The following ARHGEF7 variants were observed in gnomAD, a reference collection of about 807,000 sequenced individuals.
ARHGEF7 encodes the protein PAK-interacting exchange factor beta.
In ARHGEF7, 33 loss-of-function variants were observed where a neutral mutation model predicts 109.8. The ratio of observed to expected loss-of-function variants is 0.30; its 90% confidence interval spans 0.23 to 0.40. The LOEUF is 0.40. ARHGEF7 is among the 10% of genes least tolerant of loss of function. The pLI, the probability that ARHGEF7 is intolerant of heterozygous loss-of-function variation, is 1.00. For synonymous variants in ARHGEF7, 458 were observed against 424.6 expected (o/e 1.08, Z -0.97); for missense variants, 938 against 1,098.5 (o/e 0.85, Z 2.07).
rs566369717 is a variant in ARHGEF7, at chr13:111,121,468, G to A, written c.165+5777G>A. ...CATCTCTCTCCCTTTAGAGGCCACT[G>A]ATCACTCTAAAATGTAAAGAGTGGA... On this transcript the variant is annotated intron_variant, in intron 1 of 21. Transcript: ENST00000646102. Among the ~76,000 whole-genome samples the A allele has an allele frequency of 2.0e-5, 3 of 152,340 alleles. No individual in the cohort carries two copies. The East Asian group carries it at 5.8e-4, about 29-fold the overall frequency.
intron 1 of ARHGEF7, among the ~76,000 whole-genome samples, chr13:111,121,285 C>T (rs1410848007): frequency 1.3e-5 from 2 of 152,228 alleles, no homozygotes; most frequent in African/African-American, 2.4e-5. Context: ...GGCCGCAGAA[C>T]GTGTGTTCCG....
At chr13:111,158,479 G>A (rs145730895) in intron 2 of ARHGEF7, among the ~76,000 whole-genome samples, 3 of 152,286 alleles carry the variant, frequency 2.0e-5, no homozygotes, top group East Asian at 3.9e-4. Flanking sequence ...CAGCTCCTTG[G>A]CACTGCAACT....
rs192320356 is a variant in ARHGEF7, at chr13:111,217,577, T to C, written c.469-102T>C. 2,347 of 1,113,270 alleles carry C rather than the reference T, an allele frequency of 2.1e-3. 5 individuals are homozygous for C. The highest frequency in any genetic ancestry group is 2.5e-3 in the Non-Finnish European group (1,910 of 754,516). The allele number at this position is 1,113,270 out of a possible 1,614,324, so 69.0% of individuals were successfully genotyped here. On this transcript the variant is annotated intron_variant, in intron 4 of 21. Transcript: ENST00000646102. ...ATTTCTCTAAATGTATTTCTACTGT[T>C]GGGCAATTATGCTACCTTTGTACTA... is the stretch of plus-strand genomic sequence containing the variant.
At chr13:111,299,032 G>A (rs915417328) in intron 19 of ARHGEF7, among the ~76,000 whole-genome samples, 1 of 152,210 alleles carries the variant, frequency 6.6e-6, no homozygotes, top group Non-Finnish European at 1.5e-5. Context: ...TTCCCAGGAC[G>A]TCATCTTATC....
At chr13:111,204,691 C>T (rs556406457) in intron 2 of ARHGEF7, among the ~76,000 whole-genome samples, 86 of 152,242 alleles carry the variant, frequency 5.6e-4, no homozygotes, top group Admixed American at 1.6e-3. Context: ...GGAGGGGATG[C>T]GGTTGTGGGC....
chr13:111,221,264 T>C lies in ARHGEF7; in HGVS notation c.670+3384T>C, dbSNP rs1338222630. 3.0e-4 allele frequency among the ~76,000 whole-genome samples: 15 copies of C among 50,246 alleles called. 1 individual carries two copies. Among genetic ancestry groups the C allele is most frequent in the South Asian group, 1.4e-3 (2 of 1,390 alleles). The allele number at this position is 50,246 out of a possible 152,430, so 33.0% of individuals were successfully genotyped here. On this transcript the variant is annotated intron_variant, in intron 5 of 21. Coordinates refer to ENST00000646102, the MANE Select transcript of ARHGEF7 (RefSeq NM_001354046.2). ...ATATGTCTATATATATCTATATAGA[T>C]ATATATGTCTATATATATCTATATA...
chr13:111,150,191 G>C (rs1334964966), intron 1 of ARHGEF7, among the ~76,000 whole-genome samples: 1 of 152,220 alleles, frequency 6.6e-6, no homozygotes, highest in African/African-American at 2.4e-5. Flanking sequence ...AAGCATCTCA[G>C]AATAAGGGAT....
intron 2 of ARHGEF7, among the ~76,000 whole-genome samples, chr13:111,183,612 A>G (rs943899668): frequency 1.3e-5 from 2 of 152,198 alleles, no homozygotes; most frequent in Admixed American, 6.5e-5. Flanking sequence ...CATTTTATCA[A>G]TTATTATAAA....
chr13:111,293,583 T>A, intron 19 of ARHGEF7: 1 of 985,356 alleles, frequency 1.0e-6, no homozygotes, highest in Non-Finnish European at 1.2e-6. Context: ...ACCTAGTCAT[T>A]GCTTGAGGGG....
At chr13:111,279,588 A>G (rs1222900733) in intron 13 of ARHGEF7, among the ~76,000 whole-genome samples, 1 of 152,178 alleles carries the variant, frequency 6.6e-6, no homozygotes, top group Non-Finnish European at 1.5e-5. Flanking sequence ...GCCACCATGT[A>G]CTGTGGTTTC....
chr13:111,217,937 A>G (rs2083334119), intron 5 of ARHGEF7, 57 bp downstream of exon 5: 1 of 1,504,800 alleles, frequency 6.6e-7, no homozygotes, highest in Admixed American at 2.0e-5. Flanking sequence ...AAAGAAGTAA[A>G]TGTACTTGAC....
chr13:111,193,907 C>T (rs1453028735), intron 2 of ARHGEF7, among the ~76,000 whole-genome samples: 1 of 152,160 alleles, frequency 6.6e-6, no homozygotes, highest in Non-Finnish European at 1.5e-5. Flanking sequence ...TTGAGGGCCA[C>T]GCATGTACAT....
intron 2 of ARHGEF7, among the ~76,000 whole-genome samples, chr13:111,165,595 C>T (rs551351101): frequency 6.7e-4 from 102 of 152,276 alleles, no homozygotes; most frequent in African/African-American, 2.3e-3. Flanking sequence ...TATCTGCATC[C>T]CTTCCCCTTG....
In ARHGEF7 at chr13:111,262,337, G is replaced by A. The variant is rs2091181627; in HGVS notation, c.951-5211G>A. Among the ~76,000 whole-genome samples the A allele has an allele frequency of 2.0e-5, 3 of 152,190 alleles. 1 individual carries two copies. Among genetic ancestry groups the A allele is most frequent in the Non-Finnish European group, 4.4e-5 (3 of 68,028 alleles). On this transcript the variant is annotated intron_variant, in intron 8 of 21. Coordinates refer to ENST00000646102, the MANE Select transcript of ARHGEF7 (RefSeq NM_001354046.2). ...TGCCAGTAAATTGGAGAACTTAGAA[G>A]CTTTGGTAGTCAACAAGAGAGACCT...
At chr13:111,283,027 T>G in intron 15 of ARHGEF7, 112 bp from the exon 16 acceptor site, 1 of 1,310,066 alleles carries the variant, frequency 7.6e-7, no homozygotes, top group East Asian at 2.5e-5. Context: ...ATCCTGAGGT[T>G]TATTTCACAT....
At chr13:111,263,806 G>A (rs371522039) in intron 8 of ARHGEF7, among the ~76,000 whole-genome samples, 3,269 of 134,856 alleles carry the variant, frequency 0.024, 120 homozygotes, top group African/African-American at 0.079. Context: ...CTTAAAGGGC[G>A]TGTTCTTCCT....
Position 111,285,902 on chromosome 13 carries a change from C to T in ARHGEF7, c.1951-245C>T, listed in dbSNP as rs113278357. On this transcript the variant is annotated intron_variant, in intron 16 of 21. Coordinates refer to ENST00000646102, the MANE Select transcript of ARHGEF7 (RefSeq NM_001354046.2). ...CAGGACTAACAGGACCCAAATGACA[C>T]GAGGGGTTTTATTAGAATTAAAAAA... is the stretch of plus-strand genomic sequence containing the variant. 4.4e-4 allele frequency among the ~76,000 whole-genome samples: 66 copies of T among 150,850 alleles called. 1 individual carries two copies. The highest frequency in any genetic ancestry group is 1.5e-3 in the African/African-American group (61 of 41,070).
At chr13:111,126,269 T>C (rs143600732) in intron 1 of ARHGEF7, among the ~76,000 whole-genome samples, 2,498 of 152,340 alleles carry the variant, frequency 0.016, 73 homozygotes, top group African/African-American at 0.056. Context: ...GGTAGGCGGA[T>C]CACCTGAGGT....
chr13:111,241,002 G>A lies in ARHGEF7; in HGVS notation c.760-2870G>A, dbSNP rs149921526. 954 of 711,700 alleles carry A rather than the reference G, an allele frequency of 1.3e-3. 5 individuals are homozygous for A. In the African/African-American group the frequency reaches 0.016, roughly 12 times the overall value. The allele number at this position is 711,700 out of a possible 1,614,324, so 44.1% of individuals were successfully genotyped here. On this transcript the variant is annotated intron_variant, in intron 6 of 21. Transcript: ENST00000646102. ...CTAAGTACTCCTTTAATGATGCAAC[G>A]AATAAAGTGTCTGTGTCTGCGAGGC... is the stretch of plus-strand genomic sequence containing the variant.
Sources: allele counts gnomAD v4.1 joint callset (sites outside exome capture counted in the v4.1 genomes callset), GRCh38; gene constraint gnomAD v4.1.1; transcripts MANE v1.5; gene names NCBI Gene and HGNC (gene_info 2026-07-23, HGNC 2026-07-21).